Variants in PRMT8 observed in about 807,000 individuals in gnomAD.
PRMT8 encodes the protein protein arginine N-methyltransferase 8.
PRMT8 carries 7 observed loss-of-function variants against 47.1 expected under a neutral mutation model. The observed-to-expected ratio is 0.15, with a 90% CI of 0.08 to 0.28. The LOEUF is 0.28. Ranked by LOEUF, PRMT8 falls within the 10% of genes least tolerant of loss-of-function variation. PRMT8 has a pLI of 1.00. For synonymous variants in PRMT8, 188 were observed against 186.5 expected (o/e 1.01, Z -0.07); for missense variants, 237 against 505.4 (o/e 0.47, Z 5.09).
intron 3 of PRMT8, chr12:3,551,811 G>A (rs1866426553): frequency 6.6e-6 from 1 of 152,480 alleles, no homozygotes; most frequent in African/African-American, 2.4e-5. Context: ...CAGAGAGAGA[G>A]GGAGGGAGGA....
chr12:3,535,955 A>G lies in PRMT8; in HGVS notation c.76-4651A>G, dbSNP rs1291322471. Among the ~76,000 whole-genome samples the G allele has an allele frequency of 6.6e-6, 1 of 152,082 alleles. No homozygotes were observed. Among genetic ancestry groups the G allele is most frequent in the Non-Finnish European group, 1.5e-5 (1 of 68,018 alleles). ...TGAGCCTTCTGACTTTACAGAGGAG[A>G]CCACTGTCATCCCCCAAGACCTATC... is the stretch of plus-strand genomic sequence containing the variant. On this transcript the variant is annotated intron_variant, in intron 1 of 9. Transcript: ENST00000382622. The surrounding 1 kb of genome is among the most constrained non-coding windows in gnomAD (Gnocchi z 4.7).
At chr12:3,579,454 C>T (rs1271562735) in intron 7 of PRMT8, among the ~76,000 whole-genome samples, 2 of 152,076 alleles carry the variant, frequency 1.3e-5, no homozygotes, top group Non-Finnish European at 2.9e-5. Flanking sequence ...AGCCAAGGAG[C>T]GGCTGGAGGG....
Position 3,491,338 on chromosome 12 carries a change from A to C in PRMT8, c.-288A>C. Reference sequence around the variant, plus strand: ...GGAGGCTTCGGGGCTGCTTCCCTCGAGCTTAGCCCGCAGCGCGGGTGGAGA... The same window carrying C: ...GGAGGCTTCGGGGCTGCTTCCCTCGCGCTTAGCCCGCAGCGCGGGTGGAGA... On this transcript the variant is annotated 5_prime_UTR_variant, in exon 1 of 10. Transcript: ENST00000382622. 1 of 1,093,096 alleles carries C rather than the reference A, an allele frequency of 9.1e-7. No individual in the cohort carries two copies. The highest frequency in any genetic ancestry group is 1.1e-6 in the Non-Finnish European group (1 of 900,224). 67.7% of individuals were successfully genotyped at this position (1,093,096 alleles called of 1,614,324 possible).
chr12:3,526,655 T>C (rs1865953695), intron 1 of PRMT8, among the ~76,000 whole-genome samples: 1 of 152,242 alleles, frequency 6.6e-6, no homozygotes, highest in African/African-American at 2.4e-5. Context: ...TTTGTGGCTC[T>C]TTCATTAGAT....
intron 1 of PRMT8, among the ~76,000 whole-genome samples, chr12:3,469,754 C>T (rs1865139516): frequency 6.6e-6 from 1 of 152,110 alleles, no homozygotes; most frequent in Non-Finnish European, 1.5e-5. Flanking sequence ...AGAAGAAGGG[C>T]CTCAGGATCT....
chr12:3,590,841 G>A (rs531959928), intron 8 of PRMT8, among the ~76,000 whole-genome samples: 9 of 152,134 alleles, frequency 5.9e-5, no homozygotes, highest in East Asian at 1.9e-4. Context: ...TTCAATACTC[G>A]TAGATCTACC....
chr12:3,430,926 C>T (rs1864669162), intron 1 of PRMT8, among the ~76,000 whole-genome samples: 1 of 152,082 alleles, frequency 6.6e-6, no homozygotes, highest in Non-Finnish European at 1.5e-5. Flanking sequence ...GCCTGGGGGA[C>T]CTCTTGGAGC....
At chr12:3,518,189 G>T (rs145086057) in intron 1 of PRMT8, among the ~76,000 whole-genome samples, 24 of 152,152 alleles carry the variant, frequency 1.6e-4, no homozygotes, top group African/African-American at 5.5e-4. Context: ...GGAATCTGGG[G>T]GTCAAGAAGA....
chr12:3,536,958 T>G (rs760082506), intron 1 of PRMT8, among the ~76,000 whole-genome samples: 19 of 152,238 alleles, frequency 1.2e-4, no homozygotes, highest in Non-Finnish European at 2.1e-4. Context: ...AAGGACAGCA[T>G]TGTCATGAAA....
rs952876430 is a variant in PRMT8, at chr12:3,399,012, T to G, written c.48+17570T>G. Among the ~76,000 whole-genome samples the G allele has an allele frequency of 1.6e-4, 25 of 151,886 alleles. 1 individual carries two copies. The highest frequency in any genetic ancestry group is 5.1e-4 in the African/African-American group (21 of 41,334). Reference sequence around the variant, plus strand: ...AATGGGCTTGTTCCCAGGCTGGAGGTTAAGGTGTCTACTTTCCTGCCTTGA... The same window carrying G: ...AATGGGCTTGTTCCCAGGCTGGAGGGTAAGGTGTCTACTTTCCTGCCTTGA... On this transcript the variant is annotated intron_variant, in intron 1 of 9. Coordinates refer to the PRMT8 transcript ENST00000452611.
chr12:3,570,234 C>A lies in PRMT8; in HGVS notation c.712+670C>A, dbSNP rs979798382. Among the ~76,000 whole-genome samples the A allele has an allele frequency of 3.3e-5, 5 of 152,156 alleles. No individual in the cohort carries two copies. The highest frequency in any genetic ancestry group is 1.2e-4 in the African/African-American group (5 of 41,422). On this transcript the variant is annotated intron_variant, in intron 6 of 9. Transcript: ENST00000382622. The surrounding 1 kb of genome is among the most constrained non-coding windows in gnomAD (Gnocchi z 5.5). Reference sequence around the variant, plus strand: ...AAGCCAAAAAACTTCTCCTCCCCCGCAATGTTTTACCTGGTCTGAAAAGGG... The same window carrying A: ...AAGCCAAAAAACTTCTCCTCCCCCGAAATGTTTTACCTGGTCTGAAAAGGG...
intron 1 of PRMT8, among the ~76,000 whole-genome samples, chr12:3,481,803 G>A (rs1865276449): frequency 6.6e-6 from 1 of 152,180 alleles, no homozygotes; most frequent in Admixed American, 6.5e-5. Flanking sequence ...AGCTGTCATG[G>A]CCTGGTGATA....
intron 1 of PRMT8, among the ~76,000 whole-genome samples, chr12:3,395,247 C>A (rs1288294588): frequency 6.6e-6 from 1 of 151,220 alleles, no homozygotes; most frequent in Non-Finnish European, 1.5e-5. Context: ...TTCTTGCCTT[C>A]TGCTAGCTTT....
At chr12:3,458,276 T>C (rs1225168027) in intron 1 of PRMT8, among the ~76,000 whole-genome samples, 1 of 152,228 alleles carries the variant, frequency 6.6e-6, no homozygotes. Context: ...TCCAACTGCT[T>C]TCATGAGGTT....
chr12:3,550,238 A>C lies in PRMT8; in HGVS notation c.417+147A>C. ...CGAGGAGTAGAAGAAATCAGGTGTG[A>C]CTCTCAGGAAGGGGAGCAGGCTGCC... is the stretch of plus-strand genomic sequence containing the variant. On this transcript the variant is annotated intron_variant, in intron 3 of 9. Coordinates refer to ENST00000382622, the MANE Select transcript of PRMT8 (RefSeq NM_019854.5). This position sits in a 1 kb window ranked among gnomAD's most constrained non-coding sequence, Gnocchi z 5.1. The C allele has an allele frequency of 3.1e-6, 3 of 956,728 alleles. No homozygotes were observed. Among genetic ancestry groups the C allele is most frequent in the Non-Finnish European group, 3.1e-6 (2 of 652,530 alleles). 59.3% of individuals were successfully genotyped at this position (956,728 alleles called of 1,614,324 possible). A position where few individuals can be genotyped will look rare whatever the true frequency, so the allele number is the denominator to read the frequency against.
At chr12:3,405,595 G>A (rs1437958409) in intron 1 of PRMT8, among the ~76,000 whole-genome samples, 2 of 152,200 alleles carry the variant, frequency 1.3e-5, no homozygotes, top group South Asian at 2.1e-4. Flanking sequence ...CAGGCTTTGG[G>A]TAAATTCACC....
chr12:3,589,783 C>G (rs1435857006), intron 8 of PRMT8, among the ~76,000 whole-genome samples: 1 of 152,206 alleles, frequency 6.6e-6, no homozygotes, highest in Non-Finnish European at 1.5e-5. Flanking sequence ...GGACTACCAT[C>G]AGAGGCAGAC....
chr12:3,532,800 A>T (rs1053458860), intron 1 of PRMT8, among the ~76,000 whole-genome samples: 11 of 152,004 alleles, frequency 7.2e-5, no homozygotes, highest in African/African-American at 2.2e-4. Flanking sequence ...CCCGTCCCAA[A>T]ATTTCTGATT....
chr12:3,504,524 G>T (rs1375118676), intron 1 of PRMT8, among the ~76,000 whole-genome samples: 2 of 114,376 alleles, frequency 1.7e-5, no homozygotes, highest in East Asian at 5.5e-4. Flanking sequence ...GGGGGTCAGG[G>T]GTCAGGGACC....
Sources: gnomAD v4.1 joint callset for allele counts (sites outside exome capture counted in the v4.1 genomes callset) on GRCh38, gnomAD v4.1.1 for gene constraint, Gnocchi (gnomAD v3.1) non-coding constraint, MANE v1.5 for transcripts, NCBI Gene and HGNC (gene_info 2026-07-23, HGNC 2026-07-21) for gene names.